Variants in HIVEP2 observed in about 807,000 individuals in gnomAD.
The protein encoded by HIVEP2 is HIVEP zinc finger 2, also known as transcription factor HIVEP2.
Under a neutral mutation model 180.7 loss-of-function variants are expected in HIVEP2, and 14 were observed. The observed-to-expected ratio is 0.08, with a 90% CI of 0.05 to 0.12. The LOEUF is 0.12. HIVEP2 is among the 10% of genes least tolerant of loss of function. The probability of loss-of-function intolerance (pLI) is 1.00; values close to 1 mark genes in which losing one functional copy is unlikely to be tolerated. For missense variants in HIVEP2, 2,579 were observed against 3,008.5 expected, an observed-to-expected ratio of 0.86 and a Z score of 3.34; for synonymous variants, 1,184 against 1,136.4, an observed-to-expected ratio of 1.04 and a Z score of -0.84.
chr6:142,836,826 A>C (rs1775236455), intron 2 of HIVEP2, 109 bp downstream of exon 2: 1 of 152,196 alleles, frequency 6.6e-6, no homozygotes, highest in African/African-American at 2.4e-5. Context: ...CAAGAGCCTC[A>C]AATAATTACT....
chr6:142,759,067 C>T (rs1039586231), intron 9 of HIVEP2, among the ~76,000 whole-genome samples: 4 of 152,112 alleles, frequency 2.6e-5, no homozygotes, highest in Non-Finnish European at 2.9e-5. Flanking sequence ...TTTGGGAGGC[C>T]GAGGCAGGCA....
At chr6:142,885,201 C>G (rs1776665767) in intron 1 of HIVEP2, among the ~76,000 whole-genome samples, 2 of 152,120 alleles carry the variant, frequency 1.3e-5, no homozygotes, top group Admixed American at 1.3e-4. Flanking sequence ...AAGGTTCTGA[C>G]TGCCAGCTTC....
Position 142,783,082 on chromosome 6 carries a change from A to G in HIVEP2, c.-433+439T>C, listed in dbSNP as rs1004980916. 2.6e-5 allele frequency among the ~76,000 whole-genome samples: 4 copies of G among 152,290 alleles called. No homozygotes were observed. In the East Asian group the frequency reaches 7.7e-4, roughly 29 times the overall value. On this transcript the variant is annotated intron_variant, in intron 3 of 9. Transcript: ENST00000367603. ...ATTGGTGGGCTGGGTGCAGTGGCTC[A>G]CGCCTGTAATCCCAGCACTTTGGGA...
At chr6:142,918,602 TTCAGA>T (rs1777616894) in intron 1 of HIVEP2, among the ~76,000 whole-genome samples, 1 of 152,208 alleles carries the variant, frequency 6.6e-6, no homozygotes, top group African/African-American at 2.4e-5. Flanking sequence ...AGCTGACCTC[TTCAGA>T]ACGTGATACC....
At chr6:142,790,457 G>A (rs920714598) in intron 2 of HIVEP2, among the ~76,000 whole-genome samples, 1 of 151,976 alleles carries the variant, frequency 6.6e-6, no homozygotes, top group Non-Finnish European at 1.5e-5. Flanking sequence ...CTAAATATTT[G>A]GAGAGACAGG....
chr6:142,854,871 A>G (rs1393173029), intron 1 of HIVEP2, among the ~76,000 whole-genome samples: 1 of 152,160 alleles, frequency 6.6e-6, no homozygotes, highest in African/African-American at 2.4e-5. Flanking sequence ...GAAAAGTCCT[A>G]CTGGGCCGGA....
intron 1 of HIVEP2, among the ~76,000 whole-genome samples, chr6:142,873,929 A>G (rs545764713): frequency 6.6e-6 from 1 of 152,292 alleles, no homozygotes; most frequent in African/African-American, 2.4e-5. Flanking sequence ...AGAAACACAC[A>G]GTTGCACCAA....
At chr6:142,934,263 G>A (rs971891254) in intron 1 of HIVEP2, among the ~76,000 whole-genome samples, 1 of 152,162 alleles carries the variant, frequency 6.6e-6, no homozygotes, top group Admixed American at 6.5e-5. Context: ...ATTCCCAGGA[G>A]GTAGGGGAGT....
At chr6:142,788,833 AG>A (rs1375383535) in intron 2 of HIVEP2, among the ~76,000 whole-genome samples, 14 of 152,230 alleles carry the variant, frequency 9.2e-5, no homozygotes, top group African/African-American at 3.4e-4. Flanking sequence ...CAGATTACAA[AG>A]GAGATTACAA....
chr6:142,887,272 A>C (rs941005414), intron 1 of HIVEP2, among the ~76,000 whole-genome samples: 7 of 152,328 alleles, frequency 4.6e-5, no homozygotes, highest in South Asian at 2.1e-4. Context: ...AGAAAAAAAA[A>C]CCTAAAAGAT....
intron 1 of HIVEP2, among the ~76,000 whole-genome samples, chr6:142,935,811 C>T (rs1380925633): frequency 1.3e-5 from 2 of 152,110 alleles, no homozygotes; most frequent in African/African-American, 4.8e-5. Flanking sequence ...GTGAAACCAT[C>T]CTAATCCACT....
intron 2 of HIVEP2, among the ~76,000 whole-genome samples, chr6:142,832,938 A>G (rs1775129420): frequency 1.3e-5 from 2 of 152,218 alleles, no homozygotes; most frequent in Non-Finnish European, 1.5e-5. Context: ...CCCTAAAAGT[A>G]TAAGATTTGA....
chr6:142,801,312 A>G (rs1776404726), intron 2 of HIVEP2, among the ~76,000 whole-genome samples: 2 of 150,714 alleles, frequency 1.3e-5, no homozygotes, highest in South Asian at 4.2e-4. Context: ...ATACATTCTC[A>G]CCAGAAGAAT....
intron 2 of HIVEP2, among the ~76,000 whole-genome samples, chr6:142,834,756 T>A (rs1775181985): frequency 6.6e-6 from 1 of 152,166 alleles, no homozygotes; most frequent in Admixed American, 6.5e-5. Flanking sequence ...CTTTGCAAAC[T>A]GTTTTCTATT....
intron 1 of HIVEP2, among the ~76,000 whole-genome samples, chr6:142,848,602 A>C (rs1775573599): frequency 6.6e-6 from 1 of 152,108 alleles, no homozygotes; most frequent in Admixed American, 6.6e-5. Context: ...GTGCACCTGC[A>C]GTCCCAGATA....
chr6:142,788,747 A>C (rs1458874560), intron 2 of HIVEP2, among the ~76,000 whole-genome samples: 1 of 152,016 alleles, frequency 6.6e-6, no homozygotes, highest in Non-Finnish European at 1.5e-5. Context: ...AAACAAAACA[A>C]ACAAACAAAC....
chr6:142,763,175 G>C (rs927513157), intron 7 of HIVEP2, among the ~76,000 whole-genome samples: 1 of 152,166 alleles, frequency 6.6e-6, no homozygotes, highest in Non-Finnish European at 1.5e-5. Flanking sequence ...CTAGAAATCT[G>C]GATCTGAAAC....
At chr6:142,859,556 G>A (rs1331371504) in intron 1 of HIVEP2, among the ~76,000 whole-genome samples, 1 of 151,910 alleles carries the variant, frequency 6.6e-6, no homozygotes, top group African/African-American at 2.4e-5. Flanking sequence ...AAATGAGGCA[G>A]GACGCGGTGG....
At chr6:142,870,286 G>A (rs1776257008) in intron 1 of HIVEP2, among the ~76,000 whole-genome samples, 1 of 152,130 alleles carries the variant, frequency 6.6e-6, no homozygotes, top group African/African-American at 2.4e-5. Flanking sequence ...CACTCTCACT[G>A]ACCACATGCC....
Sources: gnomAD v4.1 joint callset for allele counts (sites outside exome capture counted in the v4.1 genomes callset) on GRCh38, gnomAD v4.1.1 for gene constraint, MANE v1.5 for transcripts, NCBI Gene and HGNC (gene_info 2026-07-23, HGNC 2026-07-21) for gene names.